CDK14: variants seen among roughly 807,000 people sequenced by gnomAD.
CDK14 encodes the protein cyclin dependent kinase 14.
In CDK14, 34 loss-of-function variants were observed where a neutral mutation model predicts 60.7. That is an observed-to-expected ratio of 0.56 (90% CI 0.43 to 0.75). The LOEUF (loss-of-function observed/expected upper bound fraction) is 0.75. Among genes scored for constraint, CDK14 ranks in the 30% least tolerant of loss-of-function variants. The pLI, the probability that CDK14 is intolerant of heterozygous loss-of-function variation, is 0.00. For missense variants in CDK14, 482 were observed against 564.1 expected (o/e 0.85, Z 1.47); for synonymous variants, 197 against 203.7 (o/e 0.97, Z 0.28).
intron 2 of CDK14, among the ~76,000 whole-genome samples, chr7:90,612,184 C>A (rs895452753): frequency 6.6e-6 from 1 of 152,100 alleles, no homozygotes; most frequent in Non-Finnish European, 1.5e-5. Flanking sequence ...CAGCTGCTGC[C>A]ATCTCAGTTC....
At chr7:90,696,913 A>G (rs1801669455) in intron 2 of CDK14, among the ~76,000 whole-genome samples, 1 of 152,150 alleles carries the variant, frequency 6.6e-6, no homozygotes, top group Non-Finnish European at 1.5e-5. Flanking sequence ...AAAGTGAAGA[A>G]AGAGTTTCAG....
intron 5 of CDK14, among the ~76,000 whole-genome samples, chr7:90,845,284 A>G (rs559704885): frequency 2.6e-5 from 4 of 152,222 alleles, no homozygotes; most frequent in Admixed American, 2.6e-4. Flanking sequence ...TGCTTTCTAT[A>G]TTTTTGAAGG....
chr7:90,880,418 G>A (rs915259102), intron 6 of CDK14, among the ~76,000 whole-genome samples: 4 of 152,132 alleles, frequency 2.6e-5, no homozygotes, highest in African/African-American at 4.8e-5. Context: ...AGAGGCTCAG[G>A]AACAGAATTC....
intron 11 of CDK14, among the ~76,000 whole-genome samples, chr7:91,047,506 G>A (rs959594425): frequency 6.6e-6 from 1 of 152,146 alleles, no homozygotes; most frequent in African/African-American, 2.4e-5. Context: ...TACATATGTG[G>A]TGTTCAATAA....
intron 5 of CDK14, among the ~76,000 whole-genome samples, chr7:90,812,399 T>C (rs1047649841): frequency 7.9e-5 from 12 of 151,868 alleles, no homozygotes; most frequent in Non-Finnish European, 1.5e-5. Flanking sequence ...TTCTCACTCA[T>C]AGGTGGTAAT....
chr7:91,092,472 T>C (rs1385320224), intron 12 of CDK14, among the ~76,000 whole-genome samples: 1 of 152,214 alleles, frequency 6.6e-6, no homozygotes, highest in African/African-American at 2.4e-5. Context: ...AGCAGTGTTT[T>C]TTAGTAATGA....
chr7:90,644,268 C>G (rs1005641378), intron 2 of CDK14, among the ~76,000 whole-genome samples: 11 of 152,200 alleles, frequency 7.2e-5, no homozygotes, highest in African/African-American at 2.4e-4. Context: ...TTTATTATTG[C>G]AGCCTGAGCA....
intron 1 of CDK14, among the ~76,000 whole-genome samples, chr7:90,598,405 A>G (rs923505564): frequency 7.9e-5 from 12 of 152,120 alleles, no homozygotes; most frequent in East Asian, 7.7e-4. Context: ...TTTGAATCCA[A>G]CTCTTGTTAA....
intron 2 of CDK14, among the ~76,000 whole-genome samples, chr7:90,668,856 G>T (rs189199003): frequency 6.6e-6 from 1 of 150,758 alleles, no homozygotes; most frequent in Non-Finnish European, 1.5e-5. Context: ...CCACAGATGC[G>T]TGCCACCGTG....
intron 10 of CDK14, among the ~76,000 whole-genome samples, chr7:91,022,936 G>A (rs1205063664): frequency 6.6e-6 from 1 of 151,934 alleles, no homozygotes; most frequent in Non-Finnish European, 1.5e-5. Context: ...TCTCACTATG[G>A]TCTCTTTAAA....
chr7:90,614,711 A>C (rs1799614394), intron 2 of CDK14, among the ~76,000 whole-genome samples: 1 of 152,054 alleles, frequency 6.6e-6, no homozygotes, highest in South Asian at 2.1e-4. Flanking sequence ...GCCTCTCAAA[A>C]TGCTGGAATT....
At chr7:90,981,668 G>A (rs925310427) in intron 9 of CDK14, among the ~76,000 whole-genome samples, 1 of 152,168 alleles carries the variant, frequency 6.6e-6, no homozygotes, top group Non-Finnish European at 1.5e-5. Context: ...CCTAAATTGA[G>A]TATGGGGGTG....
intron 2 of CDK14, among the ~76,000 whole-genome samples, chr7:90,617,208 A>T (rs1160446338): frequency 6.6e-6 from 1 of 152,132 alleles, no homozygotes; most frequent in East Asian, 1.9e-4. Flanking sequence ...GAAATACAAC[A>T]AATGGATAAT....
At chr7:90,689,906 A>T (rs984923469) in intron 2 of CDK14, among the ~76,000 whole-genome samples, 1 of 152,180 alleles carries the variant, frequency 6.6e-6, no homozygotes, top group Non-Finnish European at 1.5e-5. Context: ...TCATTCTTTG[A>T]TGATATAACA....
At chr7:90,976,272 AGTG>A (rs2115582211) in intron 9 of CDK14, among the ~76,000 whole-genome samples, 1 of 152,232 alleles carries the variant, frequency 6.6e-6, no homozygotes. Context: ...CCTGATGTTT[AGTG>A]ATGTTGAGCA....
intron 11 of CDK14, among the ~76,000 whole-genome samples, chr7:91,056,130 C>T (rs1797546655): frequency 6.6e-6 from 1 of 152,158 alleles, no homozygotes; most frequent in Non-Finnish European, 1.5e-5. Context: ...AACAAGAAAA[C>T]GTTGTCCCTC....
intron 14 of CDK14, among the ~76,000 whole-genome samples, chr7:91,192,695 T>C (rs953934661): frequency 5.3e-5 from 8 of 152,218 alleles, no homozygotes; most frequent in Non-Finnish European, 1.0e-4. Flanking sequence ...GTATTTAATA[T>C]CAGTAGTAAG....
intron 2 of CDK14, chr7:90,709,945 C>T: frequency 8.9e-7 from 1 of 1,119,906 alleles, no homozygotes; most frequent in Non-Finnish European, 1.1e-6. Flanking sequence ...CTGAGGGAGA[C>T]AACAGCAAAA....
At chr7:90,769,544 G>C (rs1209962613) in intron 4 of CDK14, among the ~76,000 whole-genome samples, 1 of 149,284 alleles carries the variant, frequency 6.7e-6, no homozygotes, top group Non-Finnish European at 1.5e-5. Context: ...TCAGCTCACT[G>C]CAACCTCCGC....
Sources: gnomAD v4.1 joint callset for allele counts (sites outside exome capture counted in the v4.1 genomes callset) on GRCh38, gnomAD v4.1.1 for gene constraint, MANE v1.5 for transcripts, NCBI Gene and HGNC (gene_info 2026-07-23, HGNC 2026-07-21) for gene names.